The following INTS9 variants were observed in gnomAD, a reference collection of about 807,000 sequenced individuals.
INTS9 encodes the protein integrator complex subunit 9, also known as protein related to CPSF subunits of 74 kDa.
INTS9 carries 55 observed loss-of-function variants against 79.7 expected under a neutral mutation model. That is an observed-to-expected ratio of 0.69 (90% CI 0.56 to 0.86). INTS9 has a LOEUF of 0.86. Ranked by LOEUF, INTS9 falls within the 40% of genes least tolerant of loss-of-function variation. The pLI is 0.00. For synonymous variants in INTS9, 319 were observed against 325.2 expected (o/e 0.98, Z 0.20); for missense variants, 721 against 831.5 (o/e 0.87, Z 1.64).
chr8:28,795,491 T>C (rs1219309450), intron 9 of INTS9, among the ~76,000 whole-genome samples: 1 of 151,642 alleles, frequency 6.6e-6, no homozygotes, highest in African/African-American at 2.4e-5. Context: ...AATACAAAAA[T>C]TAGCCGGGCA....
chr8:28,813,841 A>T (rs915664374), intron 6 of INTS9: 8 of 370,830 alleles, frequency 2.2e-5, no homozygotes, highest in Non-Finnish European at 3.9e-5. Flanking sequence ...GCTCACTGCA[A>T]CCTCCACCTC....
intron 8 of INTS9, among the ~76,000 whole-genome samples, chr8:28,811,077 C>T (rs1182178321): frequency 6.6e-6 from 1 of 152,160 alleles, no homozygotes; most frequent in Non-Finnish European, 1.5e-5. Context: ...AATACAAACA[C>T]TCACGGCTTT....
intron 6 of INTS9, among the ~76,000 whole-genome samples, chr8:28,819,725 G>A (rs1282263866): frequency 5.9e-5 from 9 of 152,070 alleles, no homozygotes; most frequent in African/African-American, 2.2e-4. Flanking sequence ...TTTCTGTCTC[G>A]TTGATCTGTC....
chr8:28,876,129 T>C (rs1809373191), intron 1 of INTS9, among the ~76,000 whole-genome samples: 1 of 152,212 alleles, frequency 6.6e-6, no homozygotes, highest in Non-Finnish European at 1.5e-5. Flanking sequence ...TGTTTACATT[T>C]CTTGGGTTTA....
chr8:28,833,527 C>T (rs896966333), intron 6 of INTS9, among the ~76,000 whole-genome samples: 3 of 151,422 alleles, frequency 2.0e-5, no homozygotes, highest in South Asian at 2.1e-4. Flanking sequence ...GCCTGAGGCA[C>T]GAGAATCGCT....
intron 1 of INTS9, among the ~76,000 whole-genome samples, chr8:28,878,628 G>GTTTT (rs796246272): frequency 4.5e-5 from 6 of 132,360 alleles, no homozygotes; most frequent in South Asian, 2.5e-4. Context: ...GGCCTTCACT[G>GTTTT]TTTTTTTTTT....
chr8:28,785,805 C>T (rs1213195300), intron 11 of INTS9, among the ~76,000 whole-genome samples: 4 of 152,182 alleles, frequency 2.6e-5, no homozygotes, highest in Non-Finnish European at 5.9e-5. Context: ...CTTTCTGTAT[C>T]TACATATATT....
rs1262976482 is a variant in INTS9, at chr8:28,775,838, G to A, written c.1484C>T (p.Pro495Leu). 1.2e-6 allele frequency: 2 copies of A among 1,613,888 alleles called. No homozygotes were observed. The highest frequency in any genetic ancestry group is 1.7e-6 in the Non-Finnish European group (2 of 1,179,896). Residue 495 changes from proline (P) to leucine (L), a missense_variant, in exon 14 of 17, where the codon CCC becomes CTC. By Grantham distance (98) the Pro-to-Leu change is moderately conservative. This residue lies in a region of INTS9 where 281 missense variants were observed against 300.8 expected (regional missense o/e 0.93). Coordinates refer to ENST00000521022, the MANE Select transcript of INTS9 (RefSeq NM_018250.4). Reference sequence around the variant, plus strand: ...CTCAGCCCGCCGATAGGACATGGCGGGGGGCTGGCAGTCGATCATGAGGTC... The same window carrying A: ...CTCAGCCCGCCGATAGGACATGGCGAGGGGCTGGCAGTCGATCATGAGGTC... ...RMDLMIDCQP[P>L]AMSYRRAEVL...
chr8:28,889,965 C>G lies in INTS9; in HGVS notation c.-83G>C. On this transcript the variant is annotated 5_prime_UTR_variant, in exon 1 of 17. Coordinates refer to ENST00000521022, the MANE Select transcript of INTS9 (RefSeq NM_018250.4). ...TTCCGGTGCAATCTCCGCCACCTGC[C>G]AGCCGAGAGCATCGCGGGACTTGCA... is the stretch of plus-strand genomic sequence containing the variant. 1 of 1,127,102 alleles carries G rather than the reference C, an allele frequency of 8.9e-7. No homozygotes were observed. Among genetic ancestry groups the G allele is most frequent in the Non-Finnish European group, 1.3e-6 (1 of 745,380 alleles). The allele number at this position is 1,127,102 out of a possible 1,614,324, so 69.8% of individuals were successfully genotyped here.
intron 13 of INTS9, chr8:28,776,156 A>C: frequency 2.3e-6 from 1 of 436,200 alleles, no homozygotes; most frequent in Non-Finnish European, 4.1e-6. Flanking sequence ...AGCTTAATTT[A>C]TCTTTCTTAC....
At position 28,775,821 on chromosome 8, in the gene INTS9, G is replaced by A; in HGVS notation, c.1501C>T (p.Arg501Trp). 8 of 1,614,068 alleles carry A rather than the reference G, an allele frequency of 5.0e-6. No homozygotes were observed. The highest frequency in any genetic ancestry group is 2.2e-5 in the East Asian group (1 of 44,874). The stretch of plus-strand genomic sequence containing the variant: ...AAGGGCAGGGCGAGAACCTCAGCCC[G>A]CCGATAGGACATGGCGGGGGGCTGG... ...DCQPPAMSYRRAEVLALPFKR... is the reference protein window; with the variant it reads ...DCQPPAMSYRWAEVLALPFKR... Residue 501 changes from arginine (R) to tryptophan (W), a missense_variant, in exon 14 of 17, where the codon CGG becomes TGG. Arg to Trp is a moderately radical substitution (Grantham distance 101). Around this residue, in one of 3 missense-constraint regions of INTS9, gnomAD observed 281 missense variants for 300.8 expected, o/e 0.93. Transcript: ENST00000521022.
intron 9 of INTS9, among the ~76,000 whole-genome samples, chr8:28,794,535 G>C (rs1804092332): frequency 6.6e-6 from 1 of 152,134 alleles, no homozygotes; most frequent in African/African-American, 2.4e-5. Flanking sequence ...ACTAGAGTAG[G>C]ATACAGTGGA....
At chr8:28,814,357 A>T (rs1805349429) in intron 6 of INTS9, among the ~76,000 whole-genome samples, 2 of 151,496 alleles carry the variant, frequency 1.3e-5, no homozygotes, top group African/African-American at 2.4e-5. Context: ...CACCCTTAAG[A>T]CAAAGAGAAT....
intron 3 of INTS9, 107 bp from the exon 4 acceptor site, chr8:28,846,916 T>C (rs1807552233): frequency 1.2e-6 from 1 of 842,250 alleles, no homozygotes. Context: ...CATAGACTAC[T>C]AGAGCTGGAG....
At chr8:28,870,590 A>G (rs543138450) in intron 1 of INTS9, among the ~76,000 whole-genome samples, 98 of 152,316 alleles carry the variant, frequency 6.4e-4, no homozygotes, top group Middle Eastern at 3.4e-3. Context: ...TTATTCTAGC[A>G]TGTTAGAAAT....
chr8:28,837,778 T>C lies in INTS9; in HGVS notation c.262-2A>G, dbSNP rs921732561. On this transcript the variant is annotated splice_acceptor_variant, in intron 4 of 16. Transcript: ENST00000521022. LOFTEE classifies it high-confidence loss of function. ...TGTAGACAGATCTATTAGCTCCGTC[T>C]GAAAAGAAAGGGAGGGAATGATATA... The C allele has an allele frequency of 1.9e-6, 3 of 1,612,070 alleles. No individual in the cohort carries two copies. The African/African-American group carries it at 4.0e-5, about 22-fold the overall frequency.
At chr8:28,796,010 G>C (rs1452146137) in intron 9 of INTS9, among the ~76,000 whole-genome samples, 1 of 152,120 alleles carries the variant, frequency 6.6e-6, no homozygotes, top group Non-Finnish European at 1.5e-5. Flanking sequence ...TATTAGTGGG[G>C]AAAAAATATA....
At chr8:28,816,415 G>T (rs1805483986) in intron 6 of INTS9, among the ~76,000 whole-genome samples, 1 of 149,156 alleles carries the variant, frequency 6.7e-6, no homozygotes, top group Non-Finnish European at 1.5e-5. Context: ...TGGTTTTTTT[G>T]TTCTTGCGAT....
intron 1 of INTS9, among the ~76,000 whole-genome samples, chr8:28,864,879 G>C (rs571539493): frequency 1.3e-5 from 2 of 151,730 alleles, no homozygotes; most frequent in Non-Finnish European, 1.5e-5. Context: ...CCAGCTACCC[G>C]GGAGGCTGAG....
Sources: gnomAD v4.1 joint callset for allele counts (sites outside exome capture counted in the v4.1 genomes callset) on GRCh38, gnomAD v4.1.1 for gene constraint, gnomAD v4.1.1 regional missense constraint, MANE v1.5 for transcripts, NCBI Gene and HGNC (gene_info 2026-07-23, HGNC 2026-07-21) for gene names.